The following GRAMD1B variants were observed in gnomAD, a reference collection of about 807,000 sequenced individuals.
The protein encoded by GRAMD1B is protein Aster-B.
A neutral mutation model predicts 99.7 loss-of-function variants in GRAMD1B; 37 were observed. The ratio of observed to expected loss-of-function variants is 0.37; its 90% CI spans 0.29 to 0.49. The LOEUF (loss-of-function observed/expected upper bound fraction) is 0.49. Ranked by LOEUF, GRAMD1B falls within the 20% of genes least tolerant of loss-of-function variation. GRAMD1B has a pLI of 0.98. For synonymous variants in GRAMD1B, 427 were observed against 387.6 expected (o/e 1.10, Z -1.19); for missense variants, 888 against 1,009.2 (o/e 0.88, Z 1.63).
intron 1 of GRAMD1B, among the ~76,000 whole-genome samples, chr11:123,409,623 G>A (rs369213172): frequency 8.5e-4 from 130 of 152,228 alleles, no homozygotes; most frequent in Non-Finnish European, 1.6e-3. Flanking sequence ...CTGGGTGCTC[G>A]TTACCACAGC....
At chr11:123,551,355 T>G (rs542317548) in intron 2 of GRAMD1B, among the ~76,000 whole-genome samples, 1 of 152,316 alleles carries the variant, frequency 6.6e-6, no homozygotes, top group Admixed American at 6.5e-5. Flanking sequence ...TACTTCATTC[T>G]GGAAAGGAGT....
At chr11:123,457,980 T>C (rs1043770682) in intron 1 of GRAMD1B, among the ~76,000 whole-genome samples, 5 of 152,204 alleles carry the variant, frequency 3.3e-5, no homozygotes, top group African/African-American at 1.2e-4. Flanking sequence ...CCTCCCAAAA[T>C]GTTGGGATTA....
chr11:123,471,158 T>A (rs1437581972), intron 1 of GRAMD1B, among the ~76,000 whole-genome samples: 1 of 152,198 alleles, frequency 6.6e-6, no homozygotes, highest in African/African-American at 2.4e-5. Context: ...TAACCTCATA[T>A]GGGCCCAGGC....
At chr11:123,496,951 C>G (rs982778942) in intron 2 of GRAMD1B, among the ~76,000 whole-genome samples, 2 of 152,040 alleles carry the variant, frequency 1.3e-5, no homozygotes, top group African/African-American at 2.4e-5. Context: ...AGGACTGGTC[C>G]TTGGTGCCTT....
intron 2 of GRAMD1B, among the ~76,000 whole-genome samples, chr11:123,512,931 AAG>A (rs1213075014): frequency 5.3e-5 from 8 of 152,038 alleles, no homozygotes; most frequent in African/African-American, 1.9e-4. Context: ...TTACTCAAAA[AAG>A]TTTAAGAACT....
chr11:123,577,543 C>G lies in GRAMD1B; in HGVS notation c.629C>G (p.Ser210Cys). 1 of 1,594,790 alleles carries G rather than the reference C, an allele frequency of 6.3e-7. No homozygotes were observed. The highest frequency in any genetic ancestry group is 8.5e-7 in the Non-Finnish European group (1 of 1,171,192). Residue 210 changes from serine to cysteine, a missense_variant, in exon 3 of 20, where the codon TCC (serine) becomes TGC (cysteine). Around this residue, in one of 5 missense-constraint regions of GRAMD1B, gnomAD observed 233 missense variants for 154.6 expected, o/e 1.51. Coordinates refer to ENST00000635736, the MANE Select transcript of GRAMD1B (RefSeq NM_001387025.1). The stretch of plus-strand genomic sequence containing the variant: ...CAGGGCGTGCAGCGCAGCTGCTCCT[C>G]CCAGTCCGGCCGGAGCGGCGGCAAG... The part of the protein sequence containing the change: ...PEQGVQRSCS[S>C]QSGRSGGKNS...
chr11:123,526,321 G>A (rs1591820445), intron 2 of GRAMD1B: 2 of 687,738 alleles, frequency 2.9e-6, no homozygotes. Context: ...TAAAAGTTGG[G>A]GTACTCTCCC....
chr11:123,583,737 A>G (rs893932593), intron 3 of GRAMD1B, among the ~76,000 whole-genome samples: 16 of 152,040 alleles, frequency 1.1e-4, no homozygotes, highest in African/African-American at 3.4e-4. Flanking sequence ...TATGTGCTTC[A>G]ACCTCCTGCC....
chr11:123,361,562 A>G (rs1946147180), intron 1 of GRAMD1B, among the ~76,000 whole-genome samples: 1 of 152,320 alleles, frequency 6.6e-6, no homozygotes, highest in East Asian at 1.9e-4. Flanking sequence ...GGACTGGTGC[A>G]TCAGGAAACA....
intron 3 of GRAMD1B, among the ~76,000 whole-genome samples, chr11:123,579,567 T>G (rs1190864564): frequency 1.3e-5 from 2 of 151,080 alleles, no homozygotes; most frequent in Non-Finnish European, 3.0e-5. Context: ...GGGAATGGGG[T>G]TTTGAAATGC....
At chr11:123,361,751 T>C (rs1216920442) in intron 1 of GRAMD1B, among the ~76,000 whole-genome samples, 1 of 152,204 alleles carries the variant, frequency 6.6e-6, no homozygotes, top group Non-Finnish European at 1.5e-5. Context: ...CAAGGTGTAC[T>C]CCAGTATCTG....
At chr11:123,615,897 A>C (rs1275067) in intron 17 of GRAMD1B, among the ~76,000 whole-genome samples, 50,885 of 152,152 alleles carry the variant, frequency 0.33, 9,852 homozygotes, top group South Asian at 0.5. Flanking sequence ...CTGGGGACCA[A>C]CTACAGGAGG....
intron 2 of GRAMD1B, among the ~76,000 whole-genome samples, chr11:123,529,286 T>C (rs1943113456): frequency 1.3e-5 from 2 of 152,114 alleles, no homozygotes; most frequent in Non-Finnish European, 2.9e-5. Flanking sequence ...ATTGGAGTAA[T>C]TGAAATGTGA....
At position 123,591,286 on chromosome 11, in the gene GRAMD1B, C is replaced by T. The variant is rs888124433; in HGVS notation, c.685-2796C>T. 77 of 397,194 alleles carry T rather than the reference C, an allele frequency of 1.9e-4. No individual in the cohort carries two copies. Among genetic ancestry groups the T allele is most frequent in the Admixed American group, 1.8e-4 (4 of 22,686 alleles). 24.6% of individuals were successfully genotyped at this position (397,194 alleles called of 1,614,324 possible). On this transcript the variant is annotated intron_variant, in intron 4 of 19. Transcript: ENST00000635736. The surrounding 1 kb of genome is among the most constrained non-coding windows in gnomAD (Gnocchi z 4.7). ...CCTCTGCTGAGAAACCAGAGGCCAC[C>T]CATCCACAGTCAAGCCAGGGGAGAC... is the stretch of plus-strand genomic sequence containing the variant.
At chr11:123,362,907 C>T (rs1199734557) in intron 1 of GRAMD1B, among the ~76,000 whole-genome samples, 1 of 151,728 alleles carries the variant, frequency 6.6e-6, no homozygotes, top group African/African-American at 2.4e-5. Flanking sequence ...AGAACCAGTC[C>T]CTGGGAAGGA....
At chr11:123,601,527 G>C (rs912273025) in intron 8 of GRAMD1B, among the ~76,000 whole-genome samples, 4 of 152,070 alleles carry the variant, frequency 2.6e-5, no homozygotes, top group Non-Finnish European at 5.9e-5. Flanking sequence ...GTGTGTGTGT[G>C]TGTGTGTGTG....
intron 11 of GRAMD1B, chr11:123,608,355 A>G (rs1953030142): frequency 1.4e-6 from 1 of 721,370 alleles, no homozygotes; most frequent in African/African-American, 1.8e-5. Context: ...ATTTTAGTCT[A>G]AGATCAACTG....
At chr11:123,554,909 G>C (rs1270374034) in intron 2 of GRAMD1B, among the ~76,000 whole-genome samples, 1 of 152,176 alleles carries the variant, frequency 6.6e-6, no homozygotes, top group Non-Finnish European at 1.5e-5. Flanking sequence ...AGAACTTATT[G>C]GAGAGGGTGT....
chr11:123,475,566 G>A (rs1238716391), intron 1 of GRAMD1B, among the ~76,000 whole-genome samples: 3 of 152,340 alleles, frequency 2.0e-5, no homozygotes, highest in African/African-American at 4.8e-5. Context: ...TGTCTTGAGC[G>A]AATGGCAAGC....
Sources: gnomAD v4.1 joint callset for allele counts (sites outside exome capture counted in the v4.1 genomes callset) on GRCh38, gnomAD v4.1.1 for gene constraint, gnomAD v4.1.1 regional missense constraint, Gnocchi (gnomAD v3.1) non-coding constraint, MANE v1.5 for transcripts, NCBI Gene and HGNC (gene_info 2026-07-23, HGNC 2026-07-21) for gene names.